Variants in DDAH1 observed in about 807,000 individuals in gnomAD.
DDAH1 encodes dimethylarginine dimethylaminohydrolase 1, also known as N(G),N(G)-dimethylarginine dimethylaminohydrolase 1.
A neutral mutation model predicts 28.8 loss-of-function variants in DDAH1; 19 were observed. The observed-to-expected ratio is 0.66, with a 90% CI of 0.46 to 0.97. DDAH1 has a LOEUF of 0.97. DDAH1 is among the 50% of genes least tolerant of loss of function. The pLI is 0.00. For missense variants in DDAH1, 326 were observed against 375.9 expected, an observed-to-expected ratio of 0.87 and a Z score of 1.10; for synonymous variants, 153 against 154.4, an observed-to-expected ratio of 0.99 and a Z score of 0.07.
At chr1:85,369,055 CTTTTT>C (rs36109764) in intron 1 of DDAH1, among the ~76,000 whole-genome samples, 2 of 84,608 alleles carry the variant, frequency 2.4e-5, no homozygotes, top group African/African-American at 4.7e-5. Flanking sequence ...CCAGGGGATT[CTTTTT>C]TTTTTTTTTT....
intron 1 of DDAH1, among the ~76,000 whole-genome samples, chr1:85,389,117 G>A (rs1478803501): frequency 6.6e-6 from 1 of 151,978 alleles, no homozygotes; most frequent in Non-Finnish European, 1.5e-5. Context: ...TGAGGCAGGA[G>A]GATACCTTGA....
intron 2 of DDAH1, among the ~76,000 whole-genome samples, chr1:85,475,482 A>G (rs1027030109): frequency 6.6e-6 from 1 of 152,218 alleles, no homozygotes; most frequent in Non-Finnish European, 1.5e-5. Flanking sequence ...TTACAATAAA[A>G]TTATTGCCCA....
chr1:85,550,667 T>C (rs1316651886), intron 1 of DDAH1, among the ~76,000 whole-genome samples: 1 of 152,096 alleles, frequency 6.6e-6, no homozygotes, highest in Non-Finnish European at 1.5e-5. Flanking sequence ...AACATTTTAG[T>C]CAGGAAGATG....
chr1:85,476,283 T>C (rs1655801226), intron 2 of DDAH1, among the ~76,000 whole-genome samples: 1 of 152,192 alleles, frequency 6.6e-6, no homozygotes, highest in South Asian at 2.1e-4. Context: ...CAGTTATTGT[T>C]GATGCACAAA....
At chr1:85,507,772 G>A (rs1657072663) in intron 1 of DDAH1, among the ~76,000 whole-genome samples, 1 of 152,052 alleles carries the variant, frequency 6.6e-6, no homozygotes, top group Non-Finnish European at 1.5e-5. Context: ...TTTAACCTGG[G>A]ACAGCTCCCC....
rs185874821 is a variant in DDAH1 at position 85,336,028 on chromosome 1, T to C, written c.598-11145A>G. Among the ~76,000 whole-genome samples, 36 of 149,584 alleles carry C rather than the reference T, an allele frequency of 2.4e-4. No individual in the cohort carries two copies. In the East Asian group the frequency reaches 4.6e-3, roughly 19 times the overall value. ...AAAATAAAATAAAAAACAAATGTCA[T>C]TAGATCTAAAGGGAGAGACAGACTC... On this transcript the variant is annotated intron_variant, in intron 4 of 5. Transcript: ENST00000284031.
At chr1:85,549,104 G>T (rs1658712965) in intron 1 of DDAH1, among the ~76,000 whole-genome samples, 1 of 152,084 alleles carries the variant, frequency 6.6e-6, no homozygotes, top group South Asian at 2.1e-4. Context: ...GAACTTTTGA[G>T]ATTTTTCCTA....
At chr1:85,511,324 C>T (rs7519135) in intron 1 of DDAH1, among the ~76,000 whole-genome samples, 1 of 152,082 alleles carries the variant, frequency 6.6e-6, no homozygotes, top group Admixed American at 6.5e-5. Flanking sequence ...CACAATGTAC[C>T]AGAGTCTCTG....
chr1:85,415,619 T>C (rs1652856202), intron 1 of DDAH1, among the ~76,000 whole-genome samples: 2 of 152,090 alleles, frequency 1.3e-5, no homozygotes, highest in African/African-American at 4.8e-5. Flanking sequence ...ACATAAAAAG[T>C]ATGATTCTAT....
At chr1:85,551,945 G>T (rs1658804956) in intron 1 of DDAH1, among the ~76,000 whole-genome samples, 1 of 152,214 alleles carries the variant, frequency 6.6e-6, no homozygotes, top group Non-Finnish European at 1.5e-5. Flanking sequence ...CTTAGCTAGG[G>T]CAAGAGTTTG....
intron 2 of DDAH1, among the ~76,000 whole-genome samples, chr1:85,481,101 T>TTTG (rs1553140285): frequency 4.3e-5 from 6 of 141,016 alleles, no homozygotes; most frequent in South Asian, 2.2e-4. Context: ...GTTTTTTGTT[T>TTTG]TTTTTTTTTT....
At chr1:85,498,794 T>C (rs2100736623) in intron 1 of DDAH1, among the ~76,000 whole-genome samples, 1 of 152,180 alleles carries the variant, frequency 6.6e-6, no homozygotes, top group Admixed American at 6.5e-5. Flanking sequence ...TAGTGGCGTA[T>C]GCCTGTAGTC....
rs1655257725 is a variant in DDAH1 at position 85,464,422 on chromosome 1, G to C, written c.303+321C>G. The C allele has an allele frequency of 1.5e-6, 2 of 1,362,136 alleles. No individual in the cohort carries two copies. The highest frequency in any genetic ancestry group is 6.6e-5 in the East Asian group (2 of 30,344). 84.4% of individuals were successfully genotyped at this position (1,362,136 alleles called of 1,614,324 possible). A position where few individuals can be genotyped will look rare whatever the true frequency, so the allele number is the denominator to read the frequency against. ...CCTCGCTCCCTGGGAAACACTCAGA[G>C]TTGCACTGTCGTCGCTGCCGTTTAA... is the stretch of plus-strand genomic sequence containing the variant. On this transcript the variant is annotated intron_variant, in intron 1 of 5. Coordinates refer to ENST00000284031, the MANE Select transcript of DDAH1 (RefSeq NM_012137.4). This position sits in a 1 kb window ranked among gnomAD's most constrained non-coding sequence, Gnocchi z 4.4.
intron 1 of DDAH1, among the ~76,000 whole-genome samples, chr1:85,434,227 G>A (rs1653830728): frequency 6.6e-6 from 1 of 152,008 alleles, no homozygotes; most frequent in African/African-American, 2.4e-5. Flanking sequence ...CTTGAATTTT[G>A]ATGTGTCACA....
At chr1:85,374,120 G>T (rs770728871) in intron 1 of DDAH1, among the ~76,000 whole-genome samples, 4 of 152,126 alleles carry the variant, frequency 2.6e-5, no homozygotes, top group Non-Finnish European at 5.9e-5. Flanking sequence ...CTAGATAGGG[G>T]AGACTGGACC....
intron 4 of DDAH1, among the ~76,000 whole-genome samples, chr1:85,349,212 C>A (rs1649047543): frequency 6.6e-6 from 1 of 152,186 alleles, no homozygotes; most frequent in Non-Finnish European, 1.5e-5. Flanking sequence ...TGATACAAAT[C>A]AAATTCTGAG....
intron 1 of DDAH1, among the ~76,000 whole-genome samples, chr1:85,421,378 T>A (rs1264772887): frequency 8.5e-5 from 13 of 152,246 alleles, no homozygotes. Context: ...CCCGCTTCAG[T>A]GAGGTTGCTT....
At chr1:85,331,211 G>A (rs774666436) in intron 4 of DDAH1, among the ~76,000 whole-genome samples, 1 of 152,162 alleles carries the variant, frequency 6.6e-6, no homozygotes, top group African/African-American at 2.4e-5. Context: ...ACGACTGAAA[G>A]CCCACTCCAT....
chr1:85,367,162 TG>T (rs1162010213), intron 1 of DDAH1, among the ~76,000 whole-genome samples: 1 of 152,156 alleles, frequency 6.6e-6, no homozygotes, highest in African/African-American at 2.4e-5. Flanking sequence ...TTCTGTTAGC[TG>T]CACCTAAAAA....
Sources: allele counts gnomAD v4.1 joint callset (sites outside exome capture counted in the v4.1 genomes callset), GRCh38; gene constraint gnomAD v4.1.1; non-coding constraint Gnocchi (gnomAD v3.1); transcripts MANE v1.5; gene names NCBI Gene and HGNC (gene_info 2026-07-23, HGNC 2026-07-21).